WWP1: variants seen among roughly 807,000 people sequenced by gnomAD.
WWP1 encodes the protein WW domain containing E3 ubiquitin protein ligase 1.
A neutral mutation model predicts 130.6 loss-of-function variants in WWP1; 49 were observed. The observed-to-expected ratio is 0.38, with a 90% CI of 0.30 to 0.48. The LOEUF is 0.48. WWP1 is among the 20% of genes least tolerant of loss of function. WWP1 has a pLI of 0.99. For missense variants in WWP1, 809 were observed against 1,100.6 expected (o/e 0.74, Z 3.75); for synonymous variants, 332 against 367.8 (o/e 0.90, Z 1.11).
At chr8:86,407,418 G>T (rs1187568467) in intron 8 of WWP1, among the ~76,000 whole-genome samples, 2 of 152,110 alleles carry the variant, frequency 1.3e-5, no homozygotes, top group African/African-American at 4.8e-5. Context: ...ATTCTTTGTT[G>T]TAGGGGGCTG....
intron 1 of WWP1, among the ~76,000 whole-genome samples, chr8:86,356,048 A>G (rs1253196787): frequency 2.0e-5 from 3 of 152,202 alleles, no homozygotes; most frequent in Non-Finnish European, 4.4e-5. Context: ...ACTCTAATGG[A>G]TAATTGATAA....
At chr8:86,384,107 A>G (rs960314139) in intron 5 of WWP1, among the ~76,000 whole-genome samples, 1 of 152,058 alleles carries the variant, frequency 6.6e-6, no homozygotes, top group African/African-American at 2.4e-5. Context: ...TCTGCGTCCA[A>G]ATTTCCCCTT....
At chr8:86,387,604 C>G (rs535936369) in intron 5 of WWP1, among the ~76,000 whole-genome samples, 1 of 152,156 alleles carries the variant, frequency 6.6e-6, no homozygotes, top group Admixed American at 6.5e-5. Context: ...CCTTTGCCTC[C>G]TAGGTTCAAG....
chr8:86,430,717 A>G lies in WWP1; in HGVS notation c.1353A>G (p.Glu451=), dbSNP rs761889708. The change falls in exon 12 of 25, where the codon GAA becomes GAG. Residue 451 remains glutamate, a synonymous_variant. Transcript: ENST00000517970. The part of the protein sequence containing the change: ...YLYSASMLAA[E]NDPYGPLPPG... ...ATCAGGCTTCAATGTTAGCTGCAGAAAATGACCCTTATGGACCTTTGCCAC... is the reference window on the plus strand; with the variant it reads ...ATCAGGCTTCAATGTTAGCTGCAGAGAATGACCCTTATGGACCTTTGCCAC... 20 of 1,581,928 alleles carry G rather than the reference A, an allele frequency of 1.3e-5. No homozygotes were observed. The East Asian group carries it at 4.7e-4, about 37-fold the overall frequency.
chr8:86,399,482 A>C (rs922914677), intron 7 of WWP1, among the ~76,000 whole-genome samples: 1 of 152,240 alleles, frequency 6.6e-6, no homozygotes, highest in Non-Finnish European at 1.5e-5. Flanking sequence ...TGGACTCATT[A>C]CCTTTGAAAA....
rs532513484 is a variant in WWP1 at position 86,360,521 on chromosome 8, G to T, written c.-114-8418G>T. The stretch of plus-strand genomic sequence containing the variant: ...GCCCCCTATGCAGTAGGCCTTTCCT[G>T]AGTGGGTACCTGTCACAGCATGGCT... On this transcript the variant is annotated intron_variant, in intron 1 of 24. Coordinates refer to ENST00000517970, the MANE Select transcript of WWP1 (RefSeq NM_007013.4). Among the ~76,000 whole-genome samples, 9 of 152,252 alleles carry T rather than the reference G, an allele frequency of 5.9e-5. No homozygotes were observed. In the East Asian group the frequency reaches 1.5e-3, roughly 26 times the overall value.
chr8:86,396,979 C>A (rs186501501), intron 5 of WWP1, among the ~76,000 whole-genome samples: 6 of 152,248 alleles, frequency 3.9e-5, no homozygotes, highest in African/African-American at 1.4e-4. Flanking sequence ...CCTCCTGTGT[C>A]GGCCTCCCAA....
At chr8:86,372,017 ATTTTTTTTTTTTTTT>A (rs34458424) in intron 2 of WWP1, among the ~76,000 whole-genome samples, 1 of 70,216 alleles carries the variant, frequency 1.4e-5, no homozygotes, top group Non-Finnish European at 2.6e-5. Context: ...TAATTTTTGT[ATTTTTTTTTTTTTTT>A]TTTTTTTTTG....
chr8:86,413,354 G>A (rs1335479581), intron 9 of WWP1, among the ~76,000 whole-genome samples: 1 of 152,078 alleles, frequency 6.6e-6, no homozygotes, highest in Non-Finnish European at 1.5e-5. Context: ...ATAAGAAGCT[G>A]TTCTTACTGT....
At chr8:86,413,599 C>A (rs560237069) in intron 9 of WWP1, among the ~76,000 whole-genome samples, 1 of 152,196 alleles carries the variant, frequency 6.6e-6, no homozygotes, top group East Asian at 1.9e-4. Flanking sequence ...AGTGGAGGCA[C>A]GAGTGGTGAA....
intron 1 of WWP1, among the ~76,000 whole-genome samples, chr8:86,350,221 C>T (rs1822835904): frequency 6.6e-6 from 1 of 152,194 alleles, no homozygotes; most frequent in Non-Finnish European, 1.5e-5. Flanking sequence ...CGCATTATCA[C>T]TTAACCTTAT....
At chr8:86,377,829 A>T in intron 3 of WWP1, among the ~76,000 whole-genome samples, 1 of 151,414 alleles carries the variant, frequency 6.6e-6, no homozygotes, top group East Asian at 1.9e-4. Flanking sequence ...CATGTTTATA[A>T]TTTTTTTTTA....
At chr8:86,374,423 G>A (rs1177123643) in intron 3 of WWP1, among the ~76,000 whole-genome samples, 1 of 152,100 alleles carries the variant, frequency 6.6e-6, no homozygotes, top group African/African-American at 2.4e-5. Flanking sequence ...GGATGCCAAA[G>A]GCCTTCTTAC....
chr8:86,426,318 T>C (rs950397894), intron 10 of WWP1, among the ~76,000 whole-genome samples: 1 of 152,236 alleles, frequency 6.6e-6, no homozygotes, highest in Admixed American at 6.5e-5. Context: ...ATTTCATCTT[T>C]AGCGTCTATT....
chr8:86,408,700 G>C (rs1390549623), intron 8 of WWP1, among the ~76,000 whole-genome samples: 2 of 152,212 alleles, frequency 1.3e-5, no homozygotes, highest in Non-Finnish European at 2.9e-5. Flanking sequence ...GGAATCACTT[G>C]AGGTCAGGAG....
intron 1 of WWP1, among the ~76,000 whole-genome samples, chr8:86,347,646 C>T (rs2130077529): frequency 6.6e-6 from 1 of 152,270 alleles, no homozygotes; most frequent in South Asian, 2.1e-4. Context: ...AATAGTTATT[C>T]TCCTGTCAAG....
At chr8:86,382,031 G>C (rs1004530319) in intron 5 of WWP1, among the ~76,000 whole-genome samples, 8 of 151,668 alleles carry the variant, frequency 5.3e-5, no homozygotes, top group Non-Finnish European at 1.0e-4. Context: ...TTAGTTTATT[G>C]TAAAAAACAT....
intron 2 of WWP1, among the ~76,000 whole-genome samples, chr8:86,372,170 C>T (rs924187654): frequency 6.6e-5 from 10 of 151,456 alleles, no homozygotes; most frequent in Non-Finnish European, 1.3e-4. Context: ...ACTACAGGCG[C>T]GCGCCACCAT....
intron 17 of WWP1, among the ~76,000 whole-genome samples, chr8:86,440,394 G>A (rs1431798860): frequency 5.9e-5 from 9 of 152,092 alleles, no homozygotes. Context: ...TTTGCATAAT[G>A]TTCTCTGTTG....
Sources: allele counts gnomAD v4.1 joint callset (sites outside exome capture counted in the v4.1 genomes callset), GRCh38; gene constraint gnomAD v4.1.1; transcripts MANE v1.5; gene names NCBI Gene and HGNC (gene_info 2026-07-23, HGNC 2026-07-21).